Variants in NME7 observed in about 807,000 individuals in gnomAD.
The protein encoded by NME7 is nucleoside diphosphate kinase 7.
NME7 carries 41 observed loss-of-function variants against 49.1 expected under a neutral mutation model. The ratio of observed to expected loss-of-function variants is 0.83; its 90% CI spans 0.65 to 1.08. The LOEUF is 1.08. Among genes scored for constraint, NME7 ranks in the 50% least tolerant of loss-of-function variants. NME7 has a pLI of 0.00. For synonymous variants in NME7, 139 were observed against 150.6 expected (o/e 0.92, Z 0.56); for missense variants, 423 against 463.4 (o/e 0.91, Z 0.80).
intron 1 of NME7, among the ~76,000 whole-genome samples, chr1:169,343,362 G>GACT (rs1652846549): frequency 6.6e-6 from 1 of 152,026 alleles, no homozygotes; most frequent in Non-Finnish European, 1.5e-5. Context: ...CTGTTGAAAA[G>GACT]ACTACTCCTC....
chr1:169,249,541 G>C (rs950321470), intron 7 of NME7, among the ~76,000 whole-genome samples: 1 of 152,072 alleles, frequency 6.6e-6, no homozygotes, highest in Admixed American at 6.6e-5. Context: ...GGTGAAAGTG[G>C]CATCCTTGTC....
At chr1:169,278,342 G>C (rs1197727402) in intron 7 of NME7, among the ~76,000 whole-genome samples, 2 of 151,940 alleles carry the variant, frequency 1.3e-5, no homozygotes, top group Non-Finnish European at 2.9e-5. Flanking sequence ...CATAGATTTG[G>C]TCTTTTCACA....
At chr1:169,248,002 A>G (rs1470945055) in intron 7 of NME7, among the ~76,000 whole-genome samples, 1 of 152,170 alleles carries the variant, frequency 6.6e-6, no homozygotes, top group East Asian at 1.9e-4. Flanking sequence ...GATACTGAGT[A>G]GTGGGATTGC....
chr1:169,336,269 A>G (rs1652468004), intron 1 of NME7, among the ~76,000 whole-genome samples: 1 of 152,002 alleles, frequency 6.6e-6, no homozygotes, highest in African/African-American at 2.4e-5. Flanking sequence ...CATGGACCCA[A>G]AGAGTGAGCA....
At chr1:169,232,470 T>C (rs1647669507) in intron 9 of NME7, among the ~76,000 whole-genome samples, 1 of 148,622 alleles carries the variant, frequency 6.7e-6, no homozygotes, top group Non-Finnish European at 1.5e-5. Context: ...CCAAGGATAA[T>C]AAATGTAAAG....
chr1:169,354,527 CTTGA>C (rs1276856486), intron 1 of NME7, among the ~76,000 whole-genome samples: 3 of 151,370 alleles, frequency 2.0e-5, no homozygotes, highest in African/African-American at 4.8e-5. Flanking sequence ...AAGAGTGTAA[CTTGA>C]TTGTTTGTTA....
At chr1:169,164,603 A>G (rs1378279350) in intron 11 of NME7, among the ~76,000 whole-genome samples, 2 of 152,184 alleles carry the variant, frequency 1.3e-5, no homozygotes, top group Non-Finnish European at 2.9e-5. Flanking sequence ...AGGAAGGCAA[A>G]GTGCTATGAA....
At chr1:169,197,401 A>T (rs1660409809) in intron 10 of NME7, among the ~76,000 whole-genome samples, 1 of 131,168 alleles carries the variant, frequency 7.6e-6, no homozygotes, top group Non-Finnish European at 1.7e-5. Context: ...TTAATTAAAA[A>T]CTACTCTGTG....
chr1:169,164,605 T>C (rs1056675103), intron 11 of NME7, among the ~76,000 whole-genome samples: 8 of 152,142 alleles, frequency 5.3e-5, no homozygotes, highest in African/African-American at 1.7e-4. Flanking sequence ...GAAGGCAAAG[T>C]GCTATGAAAA....
intron 1 of NME7, among the ~76,000 whole-genome samples, chr1:169,349,984 A>G (rs1457461412): frequency 6.6e-6 from 1 of 152,064 alleles, no homozygotes; most frequent in African/African-American, 2.4e-5. Flanking sequence ...TGAGGACAGG[A>G]GTTCGAGACC....
Position 169,276,596 on chromosome 1 carries a change from T to C in NME7, c.754+10707A>G. ...TCTCTCTTTTTTTCTTTATTAGTCT[T>C]GCTAGCGGTCTATCAATTTTGCTGA... is the stretch of plus-strand genomic sequence containing the variant. On this transcript the variant is annotated intron_variant, in intron 7 of 11. Transcript: ENST00000367811. Among the ~76,000 whole-genome samples the C allele has an allele frequency of 1.5e-5, 2 of 132,188 alleles. 1 individual carries two copies. Among genetic ancestry groups the C allele is most frequent in the Non-Finnish European group, 3.5e-5 (2 of 56,524 alleles). The allele number at this position is 132,188 out of a possible 152,430, so 86.7% of individuals were successfully genotyped here. A position where few individuals can be genotyped will look rare whatever the true frequency, so the allele number is the denominator to read the frequency against.
At chr1:169,218,781 T>C (rs1162341140) in intron 10 of NME7, among the ~76,000 whole-genome samples, 1 of 150,086 alleles carries the variant, frequency 6.7e-6, no homozygotes, top group Non-Finnish European at 1.5e-5. Context: ...GAATACCCAT[T>C]CCCATTAGAA....
At chr1:169,333,993 T>C (rs1652364454) in intron 1 of NME7, among the ~76,000 whole-genome samples, 7 of 152,222 alleles carry the variant, frequency 4.6e-5, no homozygotes, top group Admixed American at 4.6e-4. Context: ...TGCTGTATTT[T>C]AGGAAAAATT....
At chr1:169,177,279 G>C (rs1659780365) in intron 10 of NME7, among the ~76,000 whole-genome samples, 1 of 152,064 alleles carries the variant, frequency 6.6e-6, no homozygotes, top group Non-Finnish European at 1.5e-5. Flanking sequence ...CCCTGTATCA[G>C]TCGGCTTCTA....
chr1:169,225,205 T>G (rs1322962638), intron 10 of NME7, among the ~76,000 whole-genome samples: 1 of 151,918 alleles, frequency 6.6e-6, no homozygotes, highest in African/African-American at 2.4e-5. Flanking sequence ...ACCTCCCGGG[T>G]TCAAGCAATT....
At chr1:169,360,118 G>A (rs923600977) in intron 1 of NME7, among the ~76,000 whole-genome samples, 1 of 152,172 alleles carries the variant, frequency 6.6e-6, no homozygotes, top group African/African-American at 2.4e-5. Context: ...GAAGATCACA[G>A]CAGCAAACAT....
chr1:169,199,983 C>T (rs936100675), intron 10 of NME7, among the ~76,000 whole-genome samples: 6 of 152,004 alleles, frequency 3.9e-5, no homozygotes, highest in African/African-American at 1.4e-4. Flanking sequence ...ATTATTAATT[C>T]ATTCACCTAT....
At chr1:169,324,290 AC>A (rs1299233130) in intron 2 of NME7, 102 bp downstream of exon 2, 4 of 657,742 alleles carry the variant, frequency 6.1e-6, no homozygotes, top group Non-Finnish European at 8.2e-6. Flanking sequence ...ATATACACAC[AC>A]ACATACATAT....
At chr1:169,284,776 G>C (rs1336164653) in intron 7 of NME7, 2 of 152,026 alleles carry the variant, frequency 1.3e-5, no homozygotes, top group Non-Finnish European at 1.5e-5. Context: ...TATAAGGAAG[G>C]GGTCCCGTGT....
Sources: allele counts gnomAD v4.1 joint callset (sites outside exome capture counted in the v4.1 genomes callset), GRCh38; gene constraint gnomAD v4.1.1; transcripts MANE v1.5; gene names NCBI Gene and HGNC (gene_info 2026-07-23, HGNC 2026-07-21).